The following MX1 variants were observed in gnomAD, a reference collection of about 807,000 sequenced individuals.
MX1 encodes the protein MX dynamin like GTPase 1.
A neutral mutation model predicts 66.4 loss-of-function variants in MX1; 66 were observed. That is an observed-to-expected ratio of 0.99 (90% CI 0.82 to 1.22). MX1 has a LOEUF of 1.22. Among genes scored for constraint, MX1 ranks in the 50% most tolerant of loss-of-function variants. The pLI, the probability that MX1 is intolerant of heterozygous loss-of-function variation, is 0.00. For missense variants in MX1, 787 were observed against 834.3 expected, an observed-to-expected ratio of 0.94 and a Z score of 0.70; for synonymous variants, 311 against 318.1, an observed-to-expected ratio of 0.98 and a Z score of 0.24.
At chr21:41,425,224 G>A (rs998261886), upstream of MX1, among the ~76,000 whole-genome samples, 1 of 152,228 alleles carries the variant, frequency 6.6e-6, no homozygotes, top group Non-Finnish European at 1.5e-5. Flanking sequence ...GGCTGAGTCC[G>A]AAAAGAGAGT....
chr21:41,439,425 C>T (rs982639581), intron 7 of MX1, among the ~76,000 whole-genome samples: 27 of 152,172 alleles, frequency 1.8e-4, no homozygotes, highest in African/African-American at 6.3e-4. Flanking sequence ...TTCTTGCCTC[C>T]GCCCAGCTTT....
chr21:41,448,926 GGTTTTGTGTGTGTGTGTGTGTGT>G (rs769206476), intron 13 of MX1, among the ~76,000 whole-genome samples, 188 bp from the exon 14 acceptor site: 7,391 of 142,884 alleles, frequency 0.052, 287 homozygotes, highest in East Asian at 0.11. Flanking sequence ...CTTCAGATCT[GGTTTTGTGTGTGTGTGTGTGTGT>G]GTGTGTGTGT....
upstream of MX1, among the ~76,000 whole-genome samples, chr21:41,425,029 T>C (rs429155): frequency 0.99 from 151,543 of 152,376 alleles, 75,361 homozygotes; most frequent in Middle Eastern, 1. Flanking sequence ...GATAAGCTTT[T>C]GAGATAAGCT....
chr21:41,434,927 T>C (rs2090319077), intron 5 of MX1, among the ~76,000 whole-genome samples: 1 of 152,262 alleles, frequency 6.6e-6, no homozygotes, highest in Non-Finnish European at 1.5e-5. Context: ...CCTAAAGAAC[T>C]TCTTTAACAT....
chr21:41,430,793 A>AAG (rs1253505211), intron 4 of MX1, among the ~76,000 whole-genome samples, 185 bp downstream of exon 4: 9 of 152,346 alleles, frequency 5.9e-5, no homozygotes, highest in East Asian at 1.9e-4. Flanking sequence ...AGTATAAGGC[A>AAG]GTCAGTTACA....
At position 41,458,942 on chromosome 21, in the gene MX1, G is replaced by A. The variant is rs2091023641; in HGVS notation, c.*184G>A. 2.8e-6 allele frequency: 3 copies of A among 1,074,022 alleles called. No individual in the cohort carries two copies. Among genetic ancestry groups the A allele is most frequent in the Non-Finnish European group, 2.6e-6 (2 of 771,756 alleles). The allele number at this position is 1,074,022 out of a possible 1,614,324, so 66.5% of individuals were successfully genotyped here. A position where few individuals can be genotyped will look rare whatever the true frequency, so the allele number is the denominator to read the frequency against. The stretch of plus-strand genomic sequence containing the variant: ...GTTTGGTTTCTAGCATGAAGACAGA[G>A]CCCCACCCTCAGATGCACATGAGCT... On this transcript the variant is annotated 3_prime_UTR_variant, in exon 17 of 17. Coordinates refer to ENST00000398598, the MANE Select transcript of MX1 (RefSeq NM_002462.5).
intron 13 of MX1, 135 bp from the exon 14 acceptor site, chr21:41,449,002 A>G: frequency 1.6e-6 from 1 of 620,314 alleles, no homozygotes; most frequent in Non-Finnish European, 2.7e-6. Flanking sequence ...TTTTTAGTTT[A>G]CCAGTTAGAT....
At chr21:41,425,885 C>G, upstream of MX1, 1 of 152,454 alleles carries the variant, frequency 6.6e-6, no homozygotes, top group Admixed American at 6.5e-5. Flanking sequence ...GAACTGAAGA[C>G]CCCCAATTAC....
intron 7 of MX1, among the ~76,000 whole-genome samples, chr21:41,437,563 C>A (rs990236831): frequency 1.4e-5 from 2 of 146,674 alleles, no homozygotes; most frequent in Non-Finnish European, 3.0e-5. Flanking sequence ...GTTGCTTGAG[C>A]CTGGGAAGTC....
intron 11 of MX1, among the ~76,000 whole-genome samples, chr21:41,444,588 C>T (rs1195536994): frequency 1.3e-5 from 2 of 152,076 alleles, no homozygotes; most frequent in Admixed American, 1.3e-4. Context: ...AGGTCTTCCA[C>T]GTGGTCCCCA....
In MX1 at chr21:41,432,283, G is replaced by A. The variant is rs769355593; in HGVS notation, c.105+108G>A. The A allele has an allele frequency of 3.9e-4, 381 of 971,674 alleles. 1 individual carries two copies. The highest frequency in any genetic ancestry group is 6.0e-4 in the Middle Eastern group (2 of 3,356). 60.2% of individuals were successfully genotyped at this position (971,674 alleles called of 1,614,324 possible). A position where few individuals can be genotyped will look rare whatever the true frequency, so the allele number is the denominator to read the frequency against. The stretch of plus-strand genomic sequence containing the variant: ...GCTGCCCAGATATGCCTGCTCTCTC[G>A]CCTCTCCTGTGCCAGGACGCAGATC... On this transcript the variant is annotated intron_variant, in intron 5 of 16. Transcript: ENST00000398598.
chr21:41,430,361 G>T (rs1352243401), intron 3 of MX1, among the ~76,000 whole-genome samples, 172 bp from the exon 4 acceptor site: 3 of 149,462 alleles, frequency 2.0e-5, no homozygotes, highest in African/African-American at 7.3e-5. Flanking sequence ...TGTTAAAATA[G>T]TTAAAATAGT....
intron 16 of MX1, among the ~76,000 whole-genome samples, chr21:41,453,413 G>C (rs2090884989): frequency 6.6e-6 from 1 of 152,230 alleles, no homozygotes; most frequent in Non-Finnish European, 1.5e-5. Flanking sequence ...TGGTGGCTTA[G>C]AGCCAGTGAC....
intron 16 of MX1, among the ~76,000 whole-genome samples, chr21:41,453,262 C>T (rs758727772): frequency 6.6e-6 from 1 of 152,312 alleles, no homozygotes; most frequent in Non-Finnish European, 1.5e-5. Flanking sequence ...GAAACTGCCC[C>T]CATGATTCAG....
intron 5 of MX1, among the ~76,000 whole-genome samples, chr21:41,432,591 A>AT (rs1046895697): frequency 5.3e-5 from 8 of 152,118 alleles, no homozygotes; most frequent in Non-Finnish European, 1.0e-4. Context: ...ATCAAGACAT[A>AT]TTTTTGGTGG....
At chr21:41,451,730 G>A (rs1262022339) in intron 15 of MX1, among the ~76,000 whole-genome samples, 2 of 151,870 alleles carry the variant, frequency 1.3e-5, no homozygotes, top group Non-Finnish European at 2.9e-5. Flanking sequence ...AGCTACTTGG[G>A]AGGCTGACAC....
intron 16 of MX1, among the ~76,000 whole-genome samples, chr21:41,454,235 A>G (rs2090906597): frequency 6.6e-6 from 1 of 152,214 alleles, no homozygotes; most frequent in Admixed American, 6.5e-5. Flanking sequence ...TTGTGATGCT[A>G]TACCAGAGTC....
rs2091025261 is a variant in MX1 at position 41,459,001 on chromosome 21, A to T, written c.*243A>T. Reference sequence around the variant, plus strand: ...TGAAGGATGCTGTCTTCGTACTGGGAAAGGGATTTTCAGCCCTCAGAATCG... The same window carrying T: ...TGAAGGATGCTGTCTTCGTACTGGGTAAGGGATTTTCAGCCCTCAGAATCG... On this transcript the variant is annotated 3_prime_UTR_variant, in exon 17 of 17. Coordinates refer to ENST00000398598, the MANE Select transcript of MX1 (RefSeq NM_002462.5). The T allele has an allele frequency of 1.5e-6, 1 of 654,934 alleles. No individual in the cohort carries two copies. Among genetic ancestry groups the T allele is most frequent in the African/African-American group, 1.8e-5 (1 of 54,894 alleles). The allele number at this position is 654,934 out of a possible 1,614,324, so 40.6% of individuals were successfully genotyped here.
chr21:41,447,060 C>A (rs1009815340), intron 13 of MX1, among the ~76,000 whole-genome samples: 2 of 152,192 alleles, frequency 1.3e-5, no homozygotes, highest in African/African-American at 4.8e-5. Context: ...GCTGTCATAA[C>A]AAAGTACCAC....
Sources: gnomAD v4.1 joint callset for allele counts (sites outside exome capture counted in the v4.1 genomes callset) on GRCh38, gnomAD v4.1.1 for gene constraint, MANE v1.5 for transcripts, NCBI Gene and HGNC (gene_info 2026-07-23, HGNC 2026-07-21) for gene names.